Variants in ZNF568 observed in about 807,000 individuals in gnomAD.
ZNF568 encodes the protein zinc finger protein 568.
Under a neutral mutation model 18.1 loss-of-function variants are expected in ZNF568, and 11 were observed. That is an observed-to-expected ratio of 0.61 (90% CI 0.38 to 1.00). The LOEUF (loss-of-function observed/expected upper bound fraction) is 1.00, where lower values mean the gene tolerates loss of function less well. Among genes scored for constraint, ZNF568 ranks in the 50% least tolerant of loss-of-function variants. ZNF568 has a pLI of 0.01. For synonymous variants in ZNF568, 213 were observed against 246.6 expected (o/e 0.86, Z 1.28); for missense variants, 639 against 768.2 (o/e 0.83, Z 1.99).
At chr19:36,935,573 A>G (rs1046908094) in intron 4 of ZNF568, among the ~76,000 whole-genome samples, 3 of 151,936 alleles carry the variant, frequency 2.0e-5, no homozygotes, top group African/African-American at 7.3e-5. Context: ...AAAAAAAAAA[A>G]AAAAGTAGTG....
chr19:36,925,263 G>A lies in ZNF568; in HGVS notation c.135+5G>A, dbSNP rs751544644. 1.7e-5 allele frequency: 28 copies of A among 1,613,292 alleles called. No homozygotes were observed. The highest frequency in any genetic ancestry group is 2.2e-5 in the South Asian group (2 of 91,012). On this transcript the variant is annotated splice_donor_5th_base_variant and intron_variant, in intron 4 of 6. Transcript: ENST00000333987. ...GAGGATACAACCAGGCCTCTTGTAC[G>A]TCTTAAGCATTTATTTGTTTCCTGC... is the stretch of plus-strand genomic sequence containing the variant.
rs2074302022 is a variant in ZNF568 at position 36,978,324 on chromosome 19, T to C, written c.406-680T>C. Among the ~76,000 whole-genome samples, 3 of 152,198 alleles carry C rather than the reference T, an allele frequency of 2.0e-5. No individual in the cohort carries two copies. The South Asian group carries it at 6.2e-4, about 32-fold the overall frequency. On this transcript the variant is annotated intron_variant, in intron 7 of 7. Coordinates refer to the ZNF568 transcript ENST00000427117. ...GGTATAACCTGTCATTCAAAACATT[T>C]CCTGCCCTGATTCCTGTGGAGTTCT...
chr19:36,986,857 G>A (rs1349795671), intron 2 of ZNF568, among the ~76,000 whole-genome samples: 2 of 152,038 alleles, frequency 1.3e-5, no homozygotes, highest in African/African-American at 2.4e-5. Flanking sequence ...AGCATTTTCC[G>A]CTCCCCTAAG....
intron 2 of ZNF568, among the ~76,000 whole-genome samples, chr19:36,988,792 G>C (rs1390871951): frequency 1.3e-5 from 2 of 152,120 alleles, no homozygotes; most frequent in Non-Finnish European, 2.9e-5. Context: ...GTGGTATAAT[G>C]AGCCAGTCAG....
intron 6 of ZNF568, among the ~76,000 whole-genome samples, chr19:36,945,341 T>G (rs2073947280): frequency 6.6e-6 from 1 of 151,886 alleles, no homozygotes. Context: ...TTCTTACACC[T>G]CTGCCACCCA....
downstream of ZNF568, chr19:36,980,006 T>G (rs990415889): frequency 1.3e-5 from 2 of 152,090 alleles, no homozygotes; most frequent in Non-Finnish European, 2.9e-5. Context: ...TCATGCTCAT[T>G]GGCATTCATG....
At chr19:36,974,144 G>T (rs2074260971) in intron 6 of ZNF568, among the ~76,000 whole-genome samples, 1 of 152,154 alleles carries the variant, frequency 6.6e-6, no homozygotes, top group South Asian at 2.1e-4. Flanking sequence ...TGGCGCCACA[G>T]ACTTTTGGGC....
chr19:36,984,366 A>G (rs958241521), downstream of ZNF568, among the ~76,000 whole-genome samples: 6 of 151,844 alleles, frequency 4.0e-5, no homozygotes, highest in African/African-American at 1.5e-4. Context: ...ATTTGTGTTT[A>G]TTTAGTGGTT....
At chr19:36,986,044 C>A (rs549231298) in intron 2 of ZNF568, among the ~76,000 whole-genome samples, 20 of 152,128 alleles carry the variant, frequency 1.3e-4, no homozygotes, top group Middle Eastern at 6.8e-3. Context: ...CTACCAGGAG[C>A]CCTGCCAAAC....
chr19:36,937,392 C>T, intron 6 of ZNF568, 150 bp downstream of exon 6: 1 of 571,462 alleles, frequency 1.7e-6, no homozygotes, highest in Non-Finnish European at 3.0e-6. Context: ...ATTACTGTGA[C>T]ATTTCTAGGT....
intron 6 of ZNF568, among the ~76,000 whole-genome samples, chr19:36,960,337 C>T (rs958520379): frequency 5.9e-5 from 9 of 151,786 alleles, no homozygotes; most frequent in South Asian, 4.2e-4. Flanking sequence ...AGGCTGGTCT[C>T]GAACTCCTGA....
intron 6 of ZNF568, 38 bp from the exon 7 acceptor site, chr19:36,949,474 A>G (rs2074020510): frequency 6.6e-7 from 1 of 1,526,484 alleles, no homozygotes; most frequent in Non-Finnish European, 8.7e-7. Flanking sequence ...TAGTGGTAGA[A>G]TAATTCACAA....
chr19:36,959,635 C>G (rs2074133145), intron 6 of ZNF568, among the ~76,000 whole-genome samples: 2 of 152,066 alleles, frequency 1.3e-5, no homozygotes, highest in African/African-American at 4.8e-5. Context: ...CCAAGTGACC[C>G]TGGGCTTTTC....
intron 6 of ZNF568, among the ~76,000 whole-genome samples, chr19:36,961,588 G>A (rs997109566): frequency 7.3e-5 from 11 of 151,398 alleles, no homozygotes; most frequent in African/African-American, 1.7e-4. Flanking sequence ...GTGCAATGGC[G>A]GGTTCTTGGC....
chr19:36,977,673 A>T (rs183348962), intron 7 of ZNF568, among the ~76,000 whole-genome samples: 1 of 152,180 alleles, frequency 6.6e-6, no homozygotes, highest in Non-Finnish European at 1.5e-5. Context: ...CATGCCCTGC[A>T]CACTGGTGGG....
intron 4 of ZNF568, among the ~76,000 whole-genome samples, chr19:36,930,839 C>T (rs925188330): frequency 6.6e-6 from 1 of 152,134 alleles, no homozygotes; most frequent in Non-Finnish European, 1.5e-5. Flanking sequence ...AATTTTGAAG[C>T]CAGAGTTTGA....
intron 4 of ZNF568, among the ~76,000 whole-genome samples, chr19:36,994,254 T>C (rs907446682): frequency 2.6e-5 from 4 of 152,172 alleles, no homozygotes; most frequent in East Asian, 1.9e-4. Flanking sequence ...GTTCATTCCA[T>C]TGTAGTTGCA....
chr19:36,944,894 G>A (rs1293463433), intron 6 of ZNF568, among the ~76,000 whole-genome samples: 1 of 152,034 alleles, frequency 6.6e-6, no homozygotes, highest in Non-Finnish European at 1.5e-5. Context: ...TTCTAATAGG[G>A]ATATATAGTC....
intron 3 of ZNF568, 121 bp from the exon 4 acceptor site, chr19:36,925,079 T>C: frequency 1.2e-6 from 1 of 815,466 alleles, no homozygotes; most frequent in Non-Finnish European, 2.0e-6. Flanking sequence ...GCAGTTAACA[T>C]TTCTTATTGC....
Sources: gnomAD v4.1 joint callset for allele counts (sites outside exome capture counted in the v4.1 genomes callset) on GRCh38, gnomAD v4.1.1 for gene constraint, MANE v1.5 for transcripts, NCBI Gene and HGNC (gene_info 2026-07-23, HGNC 2026-07-21) for gene names.